The following NKAIN2 variants were observed in gnomAD, a reference collection of about 807,000 sequenced individuals.
NKAIN2 encodes sodium/potassium-transporting ATPase subunit beta-1-interacting protein 2.
Under a neutral mutation model 32.6 loss-of-function variants are expected in NKAIN2, and 14 were observed. The observed-to-expected ratio is 0.43, with a 90% CI of 0.28 to 0.67. The LOEUF (loss-of-function observed/expected upper bound fraction) is 0.67. NKAIN2 is among the 30% of genes least tolerant of loss of function. The pLI, the probability that NKAIN2 is intolerant of heterozygous loss-of-function variation, is 0.17. For missense variants in NKAIN2, 198 were observed against 258.3 expected (o/e 0.77, Z 1.60); for synonymous variants, 80 against 87.2 (o/e 0.92, Z 0.46).
chr6:124,401,996 C>T (rs528996705), intron 3 of NKAIN2, among the ~76,000 whole-genome samples: 1 of 152,054 alleles, frequency 6.6e-6, no homozygotes, highest in Non-Finnish European at 1.5e-5. Flanking sequence ...TAAATACTCT[C>T]CTGTACTCCC....
intron 5 of NKAIN2, chr6:124,794,962 T>C (rs970722396): frequency 5.0e-5 from 18 of 357,242 alleles, no homozygotes; most frequent in Admixed American, 2.6e-4. Flanking sequence ...GGGTGAAAGG[T>C]TAAAATAAAA....
intron 1 of NKAIN2, among the ~76,000 whole-genome samples, chr6:123,995,976 A>G (rs1038896710): frequency 6.6e-6 from 1 of 152,158 alleles, no homozygotes; most frequent in Non-Finnish European, 1.5e-5. Context: ...TTTTTCAACA[A>G]ATTGGTTTGC....
At chr6:124,810,137 G>T (rs1276630311) in intron 5 of NKAIN2, among the ~76,000 whole-genome samples, 2 of 151,756 alleles carry the variant, frequency 1.3e-5, no homozygotes, top group African/African-American at 4.8e-5. Context: ...TACTGGGTAT[G>T]TACCCAAAGG....
At chr6:123,824,150 G>C (rs1774040587) in intron 1 of NKAIN2, among the ~76,000 whole-genome samples, 1 of 151,952 alleles carries the variant, frequency 6.6e-6, no homozygotes, top group African/African-American at 2.4e-5. Context: ...ATTATATATA[G>C]AAATACAACA....
At chr6:124,409,896 T>G (rs1774074139) in intron 3 of NKAIN2, among the ~76,000 whole-genome samples, 1 of 152,230 alleles carries the variant, frequency 6.6e-6, no homozygotes, top group Admixed American at 6.5e-5. Context: ...ATTCAGAGAT[T>G]CAACTGCTTC....
At chr6:124,211,031 AGGCTTTC>A (rs1277108427) in intron 1 of NKAIN2, among the ~76,000 whole-genome samples, 91 of 150,698 alleles carry the variant, frequency 6.0e-4, no homozygotes, top group African/African-American at 2.1e-3. Context: ...TTTAGAAGAA[AGGCTTTC>A]AATTTTTCAT....
intron 1 of NKAIN2, among the ~76,000 whole-genome samples, chr6:124,243,535 G>A (rs1222829401): frequency 6.6e-6 from 1 of 151,834 alleles, no homozygotes; most frequent in Non-Finnish European, 1.5e-5. Flanking sequence ...GAAGATGCTG[G>A]AACTGGGAAG....
intron 3 of NKAIN2, among the ~76,000 whole-genome samples, chr6:124,650,010 ATAAAGAG>A (rs1287046101): frequency 6.6e-6 from 1 of 152,184 alleles, no homozygotes; most frequent in African/African-American, 2.4e-5. Context: ...CCTCCACTGG[ATAAAGAG>A]TACCTATAAA....
At chr6:123,883,449 T>G (rs575202746) in intron 1 of NKAIN2, among the ~76,000 whole-genome samples, 97 of 116,626 alleles carry the variant, frequency 8.3e-4, no homozygotes, top group Non-Finnish European at 1.4e-3. Flanking sequence ...CCGGCGTGAG[T>G]GAGTTCTTGT....
chr6:123,934,770 G>A (rs933112030), intron 1 of NKAIN2, among the ~76,000 whole-genome samples: 4 of 152,044 alleles, frequency 2.6e-5, no homozygotes, highest in African/African-American at 9.7e-5. Context: ...CACCGTGACA[G>A]TGCTTTTAAA....
At chr6:124,743,741 T>G (rs1777331121) in intron 4 of NKAIN2, among the ~76,000 whole-genome samples, 1 of 151,940 alleles carries the variant, frequency 6.6e-6, no homozygotes, top group African/African-American at 2.4e-5. Flanking sequence ...GTAAGTTCAC[T>G]GCTCCCAACT....
At chr6:124,448,226 A>G (rs964217015) in intron 3 of NKAIN2, among the ~76,000 whole-genome samples, 1 of 152,108 alleles carries the variant, frequency 6.6e-6, no homozygotes, top group Non-Finnish European at 1.5e-5. Context: ...TATGATTACT[A>G]TTGATTAAGG....
chr6:124,402,930 G>A (rs546517748), intron 3 of NKAIN2, among the ~76,000 whole-genome samples: 3 of 151,956 alleles, frequency 2.0e-5, no homozygotes, highest in African/African-American at 4.8e-5. Flanking sequence ...TAACAAACCT[G>A]CACCTATACC....
At chr6:124,785,180 T>G (rs1334182899) in intron 4 of NKAIN2, among the ~76,000 whole-genome samples, 1 of 152,142 alleles carries the variant, frequency 6.6e-6, no homozygotes, top group Admixed American at 6.6e-5. Flanking sequence ...TTGTTCAATC[T>G]TCAAGTTCAC....
At chr6:124,687,437 T>TACATACATGGTATATATTCCATATATAC (rs1773998170) in intron 4 of NKAIN2, among the ~76,000 whole-genome samples, 3 of 110,240 alleles carry the variant, frequency 2.7e-5, no homozygotes, top group Admixed American at 1.8e-4. Flanking sequence ...GTATACCATA[T>TACATACATGGTATATATTCCATATATAC]ACATACATGG....
At chr6:124,638,432 C>T (rs1583563996) in intron 3 of NKAIN2, among the ~76,000 whole-genome samples, 1 of 152,054 alleles carries the variant, frequency 6.6e-6, no homozygotes, top group East Asian at 1.9e-4. Flanking sequence ...AGACTAAAAG[C>T]CTTCTGAACA....
At chr6:124,344,728 T>G (rs1448034463) in intron 2 of NKAIN2, among the ~76,000 whole-genome samples, 2 of 152,192 alleles carry the variant, frequency 1.3e-5, no homozygotes, top group African/African-American at 2.4e-5. Context: ...TAAGGAGATT[T>G]TGGGCTGAGA....
chr6:124,772,985 A>G (rs1778828979), intron 4 of NKAIN2, among the ~76,000 whole-genome samples: 1 of 143,772 alleles, frequency 7.0e-6, no homozygotes, highest in South Asian at 2.4e-4. Context: ...AGAACCCAAA[A>G]CTAAGACTGA....
rs758468168 is a variant in NKAIN2, at chr6:124,533,787, A to G, written c.274-124399A>G. Among the ~76,000 whole-genome samples the G allele has an allele frequency of 6.6e-5, 10 of 152,242 alleles. No homozygotes were observed. In the South Asian group the frequency reaches 8.3e-4, roughly 13 times the overall value. The stretch of plus-strand genomic sequence containing the variant: ...CCTAAGTAACAAACCTTTATTTCCC[A>G]CAGTTTGGGAAGCTGAGAAGTCCAA... On this transcript the variant is annotated intron_variant, in intron 3 of 6. Coordinates refer to ENST00000368417, the MANE Select transcript of NKAIN2 (RefSeq NM_001040214.3).
Sources: gnomAD v4.1 joint callset for allele counts (sites outside exome capture counted in the v4.1 genomes callset) on GRCh38, gnomAD v4.1.1 for gene constraint, MANE v1.5 for transcripts, NCBI Gene and HGNC (gene_info 2026-07-23, HGNC 2026-07-21) for gene names.